Variants in NEIL3 observed in about 807,000 individuals in gnomAD.
NEIL3 encodes endonuclease 8-like 3.
Under a neutral mutation model 57.5 loss-of-function variants are expected in NEIL3, and 48 were observed. That is an observed-to-expected ratio of 0.83 (90% CI 0.66 to 1.06). The LOEUF (loss-of-function observed/expected upper bound fraction) is 1.06. Ranked by LOEUF, NEIL3 falls within the 50% of genes least tolerant of loss-of-function variation. The probability of loss-of-function intolerance (pLI) is 0.00; values close to 1 mark genes in which losing one functional copy is unlikely to be tolerated. For synonymous variants in NEIL3, 261 were observed against 253.2 expected (o/e 1.03, Z -0.29); for missense variants, 717 against 739.1 (o/e 0.97, Z 0.35).
intron 1 of NEIL3, among the ~76,000 whole-genome samples, chr4:177,320,351 G>A (rs1734654398): frequency 6.6e-6 from 1 of 151,356 alleles, no homozygotes; most frequent in African/African-American, 2.4e-5. Context: ...AGGTACTAGA[G>A]TTCATCCCAG....
At chr4:177,311,254 A>G (rs537148012) in intron 1 of NEIL3, among the ~76,000 whole-genome samples, 1 of 152,322 alleles carries the variant, frequency 6.6e-6, no homozygotes, top group Non-Finnish European at 1.5e-5. Flanking sequence ...TCAGTTGGGA[A>G]GACACAAAGA....
At chr4:177,363,950 A>G (rs1174807641), downstream of NEIL3, among the ~76,000 whole-genome samples, 1 of 152,060 alleles carries the variant, frequency 6.6e-6, no homozygotes, top group African/African-American at 2.4e-5. Context: ...AGGGTTTGCC[A>G]TACCGCCCAG....
At chr4:177,351,237 A>G in intron 6 of NEIL3, 143 bp from the exon 7 acceptor site, 2 of 281,936 alleles carry the variant, frequency 7.1e-6, no homozygotes, top group Non-Finnish European at 6.4e-6. Context: ...AAAAAAAAAA[A>G]AGACTCTAAG....
downstream of NEIL3, among the ~76,000 whole-genome samples, chr4:177,366,325 C>A (rs988475381): frequency 6.6e-6 from 1 of 152,142 alleles, no homozygotes; most frequent in Non-Finnish European, 1.5e-5. Context: ...CATATTAATT[C>A]TAATTGTACA....
chr4:177,341,453 T>C, intron 5 of NEIL3, 23 bp from the exon 6 acceptor site: 1 of 1,551,768 alleles, frequency 6.4e-7, no homozygotes, highest in Non-Finnish European at 8.7e-7. Flanking sequence ...ATAACAGAAT[T>C]TTTTGGTTTT....
At chr4:177,344,041 T>C (rs1735159858) in intron 6 of NEIL3, among the ~76,000 whole-genome samples, 1 of 152,182 alleles carries the variant, frequency 6.6e-6, no homozygotes, top group African/African-American at 2.4e-5. Context: ...CATAAATAGT[T>C]GTCAATGTCA....
chr4:177,367,356 G>A (rs533170121), downstream of NEIL3, among the ~76,000 whole-genome samples: 7 of 151,848 alleles, frequency 4.6e-5, no homozygotes, highest in Non-Finnish European at 1.0e-4. Flanking sequence ...TTCAATGACA[G>A]TGTCATTTAC....
At chr4:177,355,818 C>T (rs1735460491) in intron 8 of NEIL3, among the ~76,000 whole-genome samples, 1 of 152,068 alleles carries the variant, frequency 6.6e-6, no homozygotes, top group Admixed American at 6.6e-5. Context: ...TTTCCTATTC[C>T]AGCTCTAAAT....
intron 9 of NEIL3, among the ~76,000 whole-genome samples, chr4:177,362,061 G>A (rs921256724): frequency 2.6e-5 from 4 of 152,120 alleles, no homozygotes; most frequent in Non-Finnish European, 5.9e-5. Context: ...GGGAAGCTCA[G>A]AATTATGGCC....
At chr4:177,339,208 G>A (rs1735037183) in intron 4 of NEIL3, among the ~76,000 whole-genome samples, 1 of 152,184 alleles carries the variant, frequency 6.6e-6, no homozygotes, top group South Asian at 2.1e-4. Context: ...AAGCCTTACT[G>A]ATAACATAGT....
rs149952848 is a variant in NEIL3 at position 177,330,094 on chromosome 4, T to A, written c.279-5594T>A. 8.7e-3 allele frequency among the ~76,000 whole-genome samples: 1,329 copies of A among 152,236 alleles called. 18 individuals are homozygous for A. Among genetic ancestry groups the A allele is most frequent in the African/African-American group, 0.03 (1,261 of 41,564 alleles). On this transcript the variant is annotated intron_variant, in intron 2 of 9. Transcript: ENST00000264596. ...GCCTGGCTAATTTTTATATTTTTAG[T>A]GGAGACGGCGTTTCACCACGTTGCC...
chr4:177,353,767 T>A, intron 8 of NEIL3, 39 bp downstream of exon 8: 20 of 620,422 alleles, frequency 3.2e-5, no homozygotes, highest in Non-Finnish European at 4.0e-5. Context: ...GATAATTGCT[T>A]TTTTTTTTTT....
At chr4:177,333,771 C>T (rs1578994401) in intron 2 of NEIL3, among the ~76,000 whole-genome samples, 2 of 152,130 alleles carry the variant, frequency 1.3e-5, no homozygotes, top group South Asian at 2.1e-4. Flanking sequence ...TTGGGTCCTA[C>T]GTCTTTAAAT....
At chr4:177,311,927 A>G (rs937798964) in intron 1 of NEIL3, among the ~76,000 whole-genome samples, 20 of 152,164 alleles carry the variant, frequency 1.3e-4, no homozygotes, top group Admixed American at 4.6e-4. Context: ...ATCATCATTT[A>G]CATCATTCAA....
At chr4:177,370,626 T>G in the NEIL3 span, among the ~76,000 whole-genome samples, 1 of 152,258 alleles carries the variant, frequency 6.6e-6, no homozygotes, top group African/African-American at 2.4e-5. Context: ...AAGAGCTGGG[T>G]GCAGTGGCTC....
At chr4:177,325,183 T>C (rs951850998) in intron 2 of NEIL3, among the ~76,000 whole-genome samples, 3 of 152,166 alleles carry the variant, frequency 2.0e-5, no homozygotes, top group Non-Finnish European at 2.9e-5. Flanking sequence ...AAACCAGTTA[T>C]GCAAGAGATA....
chr4:177,369,381 G>T, the NEIL3 span, among the ~76,000 whole-genome samples: 1 of 152,210 alleles, frequency 6.6e-6, no homozygotes, highest in Non-Finnish European at 1.5e-5. Flanking sequence ...TAGGGTATGT[G>T]AAGGAAAATG....
At chr4:177,317,478 C>G (rs1474279184) in intron 1 of NEIL3, among the ~76,000 whole-genome samples, 1 of 151,618 alleles carries the variant, frequency 6.6e-6, no homozygotes. Flanking sequence ...TACAAGGGAA[C>G]GTATTACCTT....
At chr4:177,314,261 C>A (rs1211234298) in intron 1 of NEIL3, among the ~76,000 whole-genome samples, 1 of 152,090 alleles carries the variant, frequency 6.6e-6, no homozygotes, top group Non-Finnish European at 1.5e-5. Context: ...AGAACAGAAA[C>A]ATTCTTACAA....
Sources: gnomAD v4.1 joint callset for allele counts (sites outside exome capture counted in the v4.1 genomes callset) on GRCh38, gnomAD v4.1.1 for gene constraint, MANE v1.5 for transcripts, NCBI Gene and HGNC (gene_info 2026-07-23, HGNC 2026-07-21) for gene names.